CEP152: variants seen among roughly 807,000 people sequenced by gnomAD.
CEP152 encodes the protein centrosomal protein 152, also known as centrosomal protein of 152 kDa.
A neutral mutation model predicts 188.9 loss-of-function variants in CEP152; 132 were observed. The ratio of observed to expected loss-of-function variants is 0.70; its 90% CI spans 0.61 to 0.81. The LOEUF (loss-of-function observed/expected upper bound fraction) is 0.81. CEP152 is among the 30% of genes least tolerant of loss of function. CEP152 has a pLI of 0.00. For synonymous variants in CEP152, 649 were observed against 666.6 expected (o/e 0.97, Z 0.41); for missense variants, 1,914 against 1,969.8 (o/e 0.97, Z 0.54).
In CEP152 at chr15:48,795,913, A is replaced by C. The variant is rs1319691984; in HGVS notation, c.691+97T>G. The C allele has an allele frequency of 3.4e-6, 4 of 1,170,884 alleles. No homozygotes were observed. The Admixed American group carries it at 5.7e-5, about 17-fold the overall frequency. The allele number at this position is 1,170,884 out of a possible 1,614,324, so 72.5% of individuals were successfully genotyped here. ...AAGCACAATTCTATTGTCATACTTA[A>C]AAAATAATAATTCTTGAATGTGCTC... On this transcript the variant is annotated intron_variant, in intron 6 of 26. Coordinates refer to ENST00000380950, the MANE Select transcript of CEP152 (RefSeq NM_001194998.2).
intron 17 of CEP152, among the ~76,000 whole-genome samples, chr15:48,762,943 A>G (rs937888749): frequency 2.0e-5 from 3 of 152,144 alleles, no homozygotes; most frequent in African/African-American, 7.2e-5. Flanking sequence ...CTTAATATCC[A>G]ACCTTCTGGA....
Position 48,769,048 on chromosome 15 carries a change from G to C in CEP152, c.1816C>G (p.Gln606Glu), listed in dbSNP as rs772017489. 2.1e-5 allele frequency: 33 copies of C among 1,605,826 alleles called. No individual in the cohort carries two copies. In the South Asian group the frequency reaches 3.6e-4, roughly 18 times the overall value. Residue 606 changes from glutamine to glutamate, a missense_variant, in exon 14 of 27, where the codon CAA becomes GAA. Gln to Glu is a conservative substitution (Grantham distance 29). Coordinates refer to ENST00000380950, the MANE Select transcript of CEP152 (RefSeq NM_001194998.2). The part of the protein sequence containing the change: ...KTDTSEKPKN[Q>E]LWPESSTSDV... The stretch of plus-strand genomic sequence containing the variant: ...GAAGTAGAAGACTCAGGCCATAATT[G>C]ATTCTTTGGTTTTTCTGAGGTATCT...
intron 13 of CEP152, among the ~76,000 whole-genome samples, chr15:48,769,571 G>A (rs1895382658): frequency 6.6e-6 from 1 of 152,150 alleles, no homozygotes; most frequent in Admixed American, 6.5e-5. Flanking sequence ...ATATCACTAT[G>A]TCTCACCACT....
intron 1 of CEP152, among the ~76,000 whole-genome samples, chr15:48,808,356 G>C (rs1465473876): frequency 6.7e-6 from 1 of 149,968 alleles, no homozygotes; most frequent in Non-Finnish European, 1.5e-5. Flanking sequence ...TAAGGCAAAA[G>C]ACATCATTAA....
Position 48,748,635 on chromosome 15 carries a change from C to CT in CEP152, c.3467-26dup, listed in dbSNP as rs767740955. 8 of 1,401,550 alleles carry CT rather than the reference C, an allele frequency of 5.7e-6. No homozygotes were observed. The African/African-American group carries it at 1.2e-4, about 22-fold the overall frequency. The allele number at this position is 1,401,550 out of a possible 1,614,324, so 86.8% of individuals were successfully genotyped here. ...TCTGCAAAAATTAAATGACAGAAAA[C>CT]TTTTATATCAGTTTAGACCAAGAAC... On this transcript the variant is annotated intron_variant, in intron 21 of 26. Coordinates refer to ENST00000380950, the MANE Select transcript of CEP152 (RefSeq NM_001194998.2).
chr15:48,738,151 T>C lies in CEP152; in HGVS notation c.*98A>G. ...TTATATAACAGATGTTATTAAAACA[T>C]CTCAAAAGAGGCAGGGCTCACAATT... On this transcript the variant is annotated 3_prime_UTR_variant, in exon 27 of 27. Coordinates refer to ENST00000380950, the MANE Select transcript of CEP152 (RefSeq NM_001194998.2). 8.0e-7 allele frequency: 1 copy of C among 1,243,388 alleles called. No homozygotes were observed. Among genetic ancestry groups the C allele is most frequent in the Non-Finnish European group, 1.1e-6 (1 of 912,164 alleles). 77.0% of individuals were successfully genotyped at this position (1,243,388 alleles called of 1,614,324 possible).
At chr15:48,760,920 A>C (rs1189568799) in intron 18 of CEP152, among the ~76,000 whole-genome samples, 1 of 152,160 alleles carries the variant, frequency 6.6e-6, no homozygotes, top group Non-Finnish European at 1.5e-5. Flanking sequence ...ACGTACATAC[A>C]ACACAAAAGC....
Position 48,793,452 on chromosome 15 carries a change from T to C in CEP152, c.701A>G (p.Glu234Gly). ...CTGAAGTTGAATAATCTGCATATTT[T>C]CTGCAGAGTCTGGGAATTAAAGACA... ...QFLGANENSA[E>G]NMQIIQLQVL... Residue 234 changes from glutamate to glycine, a missense_variant, in exon 7 of 27, where the codon GAA becomes GGA. Coordinates refer to ENST00000380950, the MANE Select transcript of CEP152 (RefSeq NM_001194998.2). 6.2e-7 allele frequency: 1 copy of C among 1,613,306 alleles called. No individual in the cohort carries two copies. Among genetic ancestry groups the C allele is most frequent in the South Asian group, 1.1e-5 (1 of 91,060 alleles).
chr15:48,797,713 T>G lies in CEP152; in HGVS notation c.209A>C (p.Gln70Pro). The change falls in exon 4 of 27, where the codon CAA (glutamine) becomes CCA (proline). Residue 70 changes from glutamine (Q) to proline (P), a missense_variant. Transcript: ENST00000380950. ...TTGCTCATTCCAGCTCATCTCCAAT[T>G]GCTCAGGATGATGTGGTCTCGAGAA... The part of the protein sequence containing the change: ...GTDGQPHHPE[Q>P]LEMSWNEQML... 6.2e-7 allele frequency: 1 copy of G among 1,614,138 alleles called. No homozygotes were observed. The highest frequency in any genetic ancestry group is 8.5e-7 in the Non-Finnish European group (1 of 1,180,002).
At chr15:48,742,472 A>G (rs1240333684) in intron 24 of CEP152, among the ~76,000 whole-genome samples, 5 of 152,218 alleles carry the variant, frequency 3.3e-5, no homozygotes, top group African/African-American at 1.2e-4. Flanking sequence ...AAAATAAAAT[A>G]TAGAGAAAAG....
chr15:48,738,740 C>T lies in CEP152; in HGVS notation c.4642G>A (p.Ala1548Thr). 2 of 1,614,186 alleles carry T rather than the reference C, an allele frequency of 1.2e-6. No individual in the cohort carries two copies. Among genetic ancestry groups the T allele is most frequent in the Non-Finnish European group, 8.5e-7 (1 of 1,180,022 alleles). ...CNPLMESENA[A>T]SEKSQGLDVQ... ...TCCAAACCTTGACTTTTCTCAGATGCAGCATTTTCACTTTCCATTAGTGGA... is the reference window on the plus strand; with the variant it reads ...TCCAAACCTTGACTTTTCTCAGATGTAGCATTTTCACTTTCCATTAGTGGA... The change falls in exon 27 of 27, where the codon GCA becomes ACA. Residue 1548 changes from alanine (A) to threonine (T), a missense_variant. Transcript: ENST00000380950.
intron 22 of CEP152, among the ~76,000 whole-genome samples, chr15:48,746,728 C>T (rs899956468): frequency 1.1e-4 from 16 of 152,040 alleles, no homozygotes; most frequent in African/African-American, 3.9e-4. Context: ...ATCCTTATTG[C>T]TATAAAGACT....
chr15:48,808,993 TA>T (rs1898171032), intron 1 of CEP152, among the ~76,000 whole-genome samples: 3 of 152,216 alleles, frequency 2.0e-5, no homozygotes, highest in Admixed American at 6.5e-5. Context: ...CTATAAAAAG[TA>T]TGTCTTGTTG....
At chr15:48,770,227 C>T (rs1225209897) in intron 13 of CEP152, among the ~76,000 whole-genome samples, 3 of 152,210 alleles carry the variant, frequency 2.0e-5, no homozygotes, top group African/African-American at 4.8e-5. Flanking sequence ...CCTTGTAATC[C>T]GAGCACTTTG....
chr15:48,741,590 C>T lies in CEP152; in HGVS notation c.4093+11G>A, dbSNP rs1269732070. On this transcript the variant is annotated intron_variant, in intron 26 of 26. Coordinates refer to ENST00000380950, the MANE Select transcript of CEP152 (RefSeq NM_001194998.2). ...GATAGAAAAACCATTTGGCGACTCA[C>T]TTTGACATACCTGACTGTGTAGTTT... 6.2e-7 allele frequency: 1 copy of T among 1,614,136 alleles called. No homozygotes were observed. The highest frequency in any genetic ancestry group is 1.7e-5 in the Admixed American group (1 of 60,018).
rs755027359 is a variant in CEP152 at position 48,782,183 on chromosome 15, G to GTGCTTGCTGCAGCTGGAACTGTAGC, written c.1344_1368dup (p.Gln457AlafsTer32). The GTGCTTGCTGCAGCTGGAACTGTAGC allele has an allele frequency of 3.1e-6, 5 of 1,613,852 alleles. No individual in the cohort carries two copies. The highest frequency in any genetic ancestry group is 8.5e-7 in the Non-Finnish European group (1 of 1,179,896). On this transcript the variant is annotated frameshift_variant, in exon 11 of 27. Transcript: ENST00000380950. LOFTEE classifies it high-confidence loss of function. ...TTTGCACTCATAGCATGTGCCTTCT[G>GTGCTTGCTGCAGCTGGAACTGTAGC]TGCTTGCTGCAGCTGGAACTGTAGC...
rs192692954 is a variant in CEP152, at chr15:48,802,211, G to A, written c.87+3352C>T. Among the ~76,000 whole-genome samples the A allele has an allele frequency of 3.9e-5, 6 of 152,184 alleles. No individual in the cohort carries two copies. The East Asian group carries it at 1.2e-3, about 29-fold the overall frequency. On this transcript the variant is annotated intron_variant, in intron 2 of 26. Coordinates refer to ENST00000380950, the MANE Select transcript of CEP152 (RefSeq NM_001194998.2). ...TTACATTATGAGTGAGTTAATACAA[G>A]AGCTTCTGAATTATTTTCTGGGACA...
intron 15 of CEP152, 41 bp from the exon 16 acceptor site, chr15:48,767,504 TAC>T: frequency 6.2e-7 from 1 of 1,613,674 alleles, no homozygotes; most frequent in Non-Finnish European, 8.5e-7. Context: ...CCAGTCTCAC[TAC>T]GAACACCAAA....
At chr15:48,795,050 A>C (rs1897213378) in intron 6 of CEP152, among the ~76,000 whole-genome samples, 1 of 152,204 alleles carries the variant, frequency 6.6e-6, no homozygotes, top group South Asian at 2.1e-4. Flanking sequence ...CAAAAAGTAA[A>C]ACAAAAACAC....
Sources: gnomAD v4.1 joint callset for allele counts (sites outside exome capture counted in the v4.1 genomes callset) on GRCh38, gnomAD v4.1.1 for gene constraint, MANE v1.5 for transcripts, NCBI Gene and HGNC (gene_info 2026-07-23, HGNC 2026-07-21) for gene names.